The following CPNE5 variants were observed in gnomAD, a reference collection of about 807,000 sequenced individuals.
CPNE5 encodes the protein copine 5.
CPNE5 carries 42 observed loss-of-function variants against 81.1 expected under a neutral mutation model. The ratio of observed to expected loss-of-function variants is 0.52; its 90% CI spans 0.40 to 0.67. The LOEUF is 0.67. Among genes scored for constraint, CPNE5 ranks in the 30% least tolerant of loss-of-function variants. The pLI is 0.00. For missense variants in CPNE5, 612 were observed against 815.5 expected, an observed-to-expected ratio of 0.75 and a Z score of 3.04; for synonymous variants, 313 against 321.5, an observed-to-expected ratio of 0.97 and a Z score of 0.28.
chr6:36,809,473 G>A (rs1770903598), intron 3 of CPNE5, among the ~76,000 whole-genome samples: 2 of 152,084 alleles, frequency 1.3e-5, no homozygotes, highest in South Asian at 4.2e-4. Context: ...CTACTTGGGA[G>A]GCTGAGGCAG....
intron 4 of CPNE5, among the ~76,000 whole-genome samples, chr6:36,798,825 T>G (rs1293413016): frequency 6.6e-6 from 1 of 152,208 alleles, no homozygotes; most frequent in Non-Finnish European, 1.5e-5. Context: ...CACAGGTGGC[T>G]AAGCCATCTT....
intron 12 of CPNE5, among the ~76,000 whole-genome samples, chr6:36,758,155 A>C (rs1474437993): frequency 6.6e-6 from 1 of 152,216 alleles, no homozygotes; most frequent in Admixed American, 6.5e-5. Flanking sequence ...AATGTGCCTC[A>C]GTCTCCTCAT....
chr6:36,820,842 G>A (rs1055120607), intron 3 of CPNE5, among the ~76,000 whole-genome samples: 14 of 151,974 alleles, frequency 9.2e-5, no homozygotes, highest in African/African-American at 2.9e-4. Context: ...CTAAATACCC[G>A]AAGCTGAGGC....
chr6:36,812,895 G>C (rs1429405991), intron 3 of CPNE5, among the ~76,000 whole-genome samples: 1 of 152,218 alleles, frequency 6.6e-6, no homozygotes, highest in African/African-American at 2.4e-5. Context: ...TCTTAGAGAG[G>C]CCTGCCTTCC....
chr6:36,829,061 G>T (rs758030616), intron 1 of CPNE5, among the ~76,000 whole-genome samples: 1 of 152,174 alleles, frequency 6.6e-6, no homozygotes, highest in Non-Finnish European at 1.5e-5. Context: ...ACCTAAGAAT[G>T]CTCCATATTC....
At chr6:36,832,606 C>A (rs1235412624) in intron 1 of CPNE5, among the ~76,000 whole-genome samples, 1 of 151,700 alleles carries the variant, frequency 6.6e-6, no homozygotes, top group African/African-American at 2.4e-5. Flanking sequence ...ACAAAGACGA[C>A]TGGGTCCTTG....
chr6:36,784,509 C>T (rs901189253), intron 8 of CPNE5, among the ~76,000 whole-genome samples: 6 of 152,178 alleles, frequency 3.9e-5, no homozygotes, highest in African/African-American at 1.4e-4. Context: ...TATGTGTGAA[C>T]CCAAGAAGAG....
At chr6:36,771,163 C>T (rs1767004514) in intron 10 of CPNE5, among the ~76,000 whole-genome samples, 1 of 152,186 alleles carries the variant, frequency 6.6e-6, no homozygotes, top group Non-Finnish European at 1.5e-5. Context: ...AGCAGCTTCC[C>T]TACCTCTAAT....
Position 36,837,073 on chromosome 6 carries a change from T to C in CPNE5, c.95+2210A>G, listed in dbSNP as rs1418171147. Among the ~76,000 whole-genome samples the C allele has an allele frequency of 2.0e-5, 3 of 152,360 alleles. No individual in the cohort carries two copies. In the East Asian group the frequency reaches 5.8e-4, roughly 29 times the overall value. On this transcript the variant is annotated intron_variant, in intron 1 of 20. Transcript: ENST00000244751. ...GAGGTTTGAGTCCTTTGGACATCTT[T>C]ACTTCCAGAAAGCAAACAGGAGGGG...
intron 10 of CPNE5, among the ~76,000 whole-genome samples, chr6:36,770,401 C>T (rs1225355753): frequency 2.0e-5 from 3 of 152,196 alleles, no homozygotes; most frequent in South Asian, 2.1e-4. Context: ...AATAAGATAA[C>T]GCATTTAAAC....
Position 36,746,405 on chromosome 6 carries a change from C to T in CPNE5, c.1191G>A (p.Glu397=). The T allele has an allele frequency of 6.2e-7, 1 of 1,610,178 alleles. No individual in the cohort carries two copies. The highest frequency in any genetic ancestry group is 8.5e-7 in the Non-Finnish European group (1 of 1,178,330). The change falls in exon 16 of 21, where the codon GAG becomes GAA. Residue 397 remains glutamate, a synonymous_variant. Transcript: ENST00000244751. This position sits in a 1 kb window ranked among gnomAD's most constrained non-coding sequence, Gnocchi z 4.5. ...CAGCGGGACCACCTACCAGTGGGAA[C>T]TCGTGGGACACTCTGCCATCCGGGG... ...KLPPDGRVSH[E]FPLNGNQENP... is the part of the protein sequence containing the mutation.
At chr6:36,754,194 A>G (rs1000294280) in intron 13 of CPNE5, 1 of 150,184 alleles carries the variant, frequency 6.7e-6, no homozygotes, top group Admixed American at 6.6e-5. Context: ...CCGGGGCTAC[A>G]TGAATGTTTC....
At chr6:36,831,199 C>T (rs1351011817) in intron 1 of CPNE5, among the ~76,000 whole-genome samples, 1 of 151,624 alleles carries the variant, frequency 6.6e-6, no homozygotes, top group Non-Finnish European at 1.5e-5. Flanking sequence ...GGATTACAGG[C>T]ACATACCACC....
intron 8 of CPNE5, among the ~76,000 whole-genome samples, chr6:36,785,829 A>G (rs1296691780): frequency 1.3e-5 from 2 of 152,154 alleles, no homozygotes; most frequent in African/African-American, 4.8e-5. Context: ...CCTGGCCAAC[A>G]TGGTGAAACC....
chr6:36,802,950 T>G (rs578000392), intron 3 of CPNE5, among the ~76,000 whole-genome samples: 1 of 152,170 alleles, frequency 6.6e-6, no homozygotes, highest in African/African-American at 2.4e-5. Flanking sequence ...CCCAGATATT[T>G]GGGAGGCTGA....
intron 14 of CPNE5, among the ~76,000 whole-genome samples, chr6:36,750,972 C>T (rs1478615279): frequency 6.6e-6 from 1 of 152,238 alleles, no homozygotes. Flanking sequence ...GGGTAGAACA[C>T]AGGCTGCTGA....
chr6:36,805,447 C>T (rs757076227), intron 3 of CPNE5, among the ~76,000 whole-genome samples: 1 of 152,262 alleles, frequency 6.6e-6, no homozygotes, highest in African/African-American at 2.4e-5. Flanking sequence ...ACGTTGCTCA[C>T]AGACCACCAA....
At chr6:36,789,385 G>A (rs549483346) in intron 8 of CPNE5, among the ~76,000 whole-genome samples, 12 of 152,184 alleles carry the variant, frequency 7.9e-5, no homozygotes, top group Non-Finnish European at 1.5e-4. Context: ...ACCAGTAACG[G>A]CCACCAGCAT....
At position 36,753,000 on chromosome 6, in the gene CPNE5, C is replaced by A. The variant is rs752447518; in HGVS notation, c.971+34G>T. The A allele has an allele frequency of 3.2e-6, 5 of 1,569,058 alleles. No homozygotes were observed. The South Asian group carries it at 5.6e-5, about 17-fold the overall frequency. Reference sequence around the variant, plus strand: ...GTGTGTGGGGCCCTTTCCCTCTCCCCAAGGCCCATGAAATTGGCTGTATCT... The same window carrying A: ...GTGTGTGGGGCCCTTTCCCTCTCCCAAAGGCCCATGAAATTGGCTGTATCT... On this transcript the variant is annotated intron_variant, in intron 14 of 20. Transcript: ENST00000244751.
Sources: allele counts gnomAD v4.1 joint callset (sites outside exome capture counted in the v4.1 genomes callset), GRCh38; gene constraint gnomAD v4.1.1; non-coding constraint Gnocchi (gnomAD v3.1); transcripts MANE v1.5; gene names NCBI Gene and HGNC (gene_info 2026-07-23, HGNC 2026-07-21).